CARMIL1: variants seen among roughly 807,000 people sequenced by gnomAD.
CARMIL1 encodes capping protein regulator and myosin 1 linker 1.
A neutral mutation model predicts 177.1 loss-of-function variants in CARMIL1; 90 were observed. The ratio of observed to expected loss-of-function variants is 0.51; its 90% CI spans 0.43 to 0.61. CARMIL1 has a LOEUF of 0.61. Among genes scored for constraint, CARMIL1 ranks in the 20% least tolerant of loss-of-function variants. The probability of loss-of-function intolerance (pLI) is 0.00; values close to 1 mark genes in which losing one functional copy is unlikely to be tolerated. For missense variants in CARMIL1, 1,380 were observed against 1,667.0 expected, an observed-to-expected ratio of 0.83 and a Z score of 3.00; for synonymous variants, 577 against 606.2, an observed-to-expected ratio of 0.95 and a Z score of 0.71.
chr6:25,482,983 TAGAG>T lies in CARMIL1; in HGVS notation c.961+643_961+646del, dbSNP rs527296598. Among the ~76,000 whole-genome samples the T allele has an allele frequency of 2.0e-3, 302 of 152,298 alleles. 1 individual carries two copies. The highest frequency in any genetic ancestry group is 0.014 in the Middle Eastern group (4 of 294). ...TGAAAATTTTTTTTTAATCCCCAAATAGAGAGGTTCAGTTTGTTTTATAAAACTG... is the reference window on the plus strand; with the variant it reads ...TGAAAATTTTTTTTTAATCCCCAAATAGGTTCAGTTTGTTTTATAAAACTG... On this transcript the variant is annotated intron_variant, in intron 12 of 36. Transcript: ENST00000329474.
chr6:25,321,433 A>T (rs1228827993), intron 2 of CARMIL1, among the ~76,000 whole-genome samples: 1 of 152,152 alleles, frequency 6.6e-6, no homozygotes, highest in Non-Finnish European at 1.5e-5. Flanking sequence ...ACAAGGTGGC[A>T]TCTGAATTAA....
intron 2 of CARMIL1, among the ~76,000 whole-genome samples, chr6:25,319,017 T>G (rs763269608): frequency 5.3e-5 from 8 of 152,220 alleles, no homozygotes; most frequent in African/African-American, 1.9e-4. Flanking sequence ...TGAGCTCTTA[T>G]TAGCTGTTTA....
Position 25,460,470 on chromosome 6 carries a change from A to G in CARMIL1, c.615-5403A>G, listed in dbSNP as rs1800026837. On this transcript the variant is annotated intron_variant, in intron 8 of 36. Transcript: ENST00000329474. ...GGTCTTCATGTTTGTTCTGGCTGTC[A>G]TGGTGGCTTGATGCCCAGAAAGTAA... Among the ~76,000 whole-genome samples, 5 of 152,268 alleles carry G rather than the reference A, an allele frequency of 3.3e-5. No individual in the cohort carries two copies. In the East Asian group the frequency reaches 5.8e-4, roughly 18 times the overall value.
Position 25,326,036 on chromosome 6 carries a change from A to AT in CARMIL1, c.138+41133dup, listed in dbSNP as rs1247145659. 4.6e-5 allele frequency among the ~76,000 whole-genome samples: 7 copies of AT among 152,032 alleles called. No individual in the cohort carries two copies. The highest frequency in any genetic ancestry group is 1.5e-4 in the African/African-American group (6 of 41,376). On this transcript the variant is annotated intron_variant, in intron 2 of 36. Coordinates refer to ENST00000329474, the MANE Select transcript of CARMIL1 (RefSeq NM_017640.6). This position sits in a 1 kb window ranked among gnomAD's most constrained non-coding sequence, Gnocchi z 4.2. ...AGGCGCGCACCAGCTCGCCCGGCTA[A>AT]TTTTTTGTATTTTAGTAGAGACGGA...
At chr6:25,419,817 A>G (rs976567828) in intron 2 of CARMIL1, among the ~76,000 whole-genome samples, 2 of 152,212 alleles carry the variant, frequency 1.3e-5, no homozygotes, top group African/African-American at 4.8e-5. Context: ...TTAGTATCAC[A>G]GAGACCTGTT....
chr6:25,584,026 C>CTTTTTTTTTTTTTTTTTT (rs71544648), intron 31 of CARMIL1, among the ~76,000 whole-genome samples: 6 of 119,132 alleles, frequency 5.0e-5, no homozygotes, highest in Non-Finnish European at 6.9e-5. Flanking sequence ...TTTTCTTTTT[C>CTTTTTTTTTTTTTTTTTT]TTTTTTTTTT....
intron 11 of CARMIL1, among the ~76,000 whole-genome samples, chr6:25,479,948 G>A (rs1801934206): frequency 6.6e-6 from 1 of 151,902 alleles, no homozygotes; most frequent in Admixed American, 6.6e-5. Flanking sequence ...ATTATTTGGG[G>A]ATTTTCTAAT....
At chr6:25,293,174 A>G (rs1782112493) in intron 2 of CARMIL1, among the ~76,000 whole-genome samples, 1 of 149,342 alleles carries the variant, frequency 6.7e-6, no homozygotes, top group African/African-American at 2.5e-5. Flanking sequence ...TCTTTACGTT[A>G]CTGTGTTTTA....
intron 2 of CARMIL1, among the ~76,000 whole-genome samples, chr6:25,336,175 C>T (rs756236287): frequency 2.6e-5 from 4 of 152,030 alleles, no homozygotes; most frequent in South Asian, 2.1e-4. Flanking sequence ...CCCCCTGTCT[C>T]GCTTTCTAGC....
At chr6:25,430,248 G>T (rs1018246985) in intron 4 of CARMIL1, among the ~76,000 whole-genome samples, 2 of 144,696 alleles carry the variant, frequency 1.4e-5, no homozygotes, top group Non-Finnish European at 1.5e-5. Context: ...AACATTTTTG[G>T]CTGGCTTCTC....
At chr6:25,522,524 C>T (rs552082433) in intron 23 of CARMIL1, among the ~76,000 whole-genome samples, 1 of 152,290 alleles carries the variant, frequency 6.6e-6, no homozygotes, top group South Asian at 2.1e-4. Context: ...TACTGTATTC[C>T]AGACATCCTT....
intron 26 of CARMIL1, among the ~76,000 whole-genome samples, chr6:25,546,731 T>C (rs529432427): frequency 2.8e-4 from 42 of 148,330 alleles, no homozygotes; most frequent in African/African-American, 9.7e-4. Flanking sequence ...TTAGAAAATA[T>C]CATTAAAAAT....
intron 2 of CARMIL1, among the ~76,000 whole-genome samples, chr6:25,405,079 G>T (rs1794246148): frequency 6.6e-6 from 1 of 152,154 alleles, no homozygotes; most frequent in Non-Finnish European, 1.5e-5. Flanking sequence ...AAAAAGCTCT[G>T]CCTGAACTTT....
intron 8 of CARMIL1, among the ~76,000 whole-genome samples, chr6:25,453,183 C>T (rs1291329430): frequency 6.6e-6 from 1 of 151,468 alleles, no homozygotes; most frequent in Admixed American, 6.6e-5. Flanking sequence ...GTGTTGAGCT[C>T]ATAGTAGCAG....
intron 28 of CARMIL1, among the ~76,000 whole-genome samples, chr6:25,556,006 T>C (rs1810579321): frequency 6.6e-6 from 1 of 152,208 alleles, no homozygotes; most frequent in African/African-American, 2.4e-5. Flanking sequence ...TTAAGTCTCA[T>C]ATGAAGGAAA....
intron 2 of CARMIL1, among the ~76,000 whole-genome samples, chr6:25,353,426 CTTTG>C (rs1035953894): frequency 3.9e-5 from 6 of 152,264 alleles, no homozygotes; most frequent in African/African-American, 1.4e-4. Flanking sequence ...GTTTTCTGAT[CTTTG>C]TTTATGTTGT....
Position 25,279,754 on chromosome 6 carries a change from CAG to C in CARMIL1, c.-39_-38del. 3 of 1,604,610 alleles carry C rather than the reference CAG, an allele frequency of 1.9e-6. No homozygotes were observed. Among genetic ancestry groups the C allele is most frequent in the Non-Finnish European group, 2.6e-6 (3 of 1,171,480 alleles). On this transcript the variant is annotated 5_prime_UTR_variant, in exon 1 of 37. Coordinates refer to ENST00000329474, the MANE Select transcript of CARMIL1 (RefSeq NM_017640.6). ...CGGGGAAGGGCAGGGGGCCATAAAT[CAG>C]AGTTGGACCTGCAATAACCCCCACA... is the stretch of plus-strand genomic sequence containing the variant.
intron 9 of CARMIL1, among the ~76,000 whole-genome samples, chr6:25,468,716 A>C (rs1042732771): frequency 6.6e-6 from 1 of 152,204 alleles, no homozygotes; most frequent in African/African-American, 2.4e-5. Flanking sequence ...GCACTCAATA[A>C]AAATTAGTAG....
At chr6:25,487,551 T>C (rs1480872682) in intron 12 of CARMIL1, among the ~76,000 whole-genome samples, 1 of 152,214 alleles carries the variant, frequency 6.6e-6, no homozygotes, top group Non-Finnish European at 1.5e-5. Flanking sequence ...CCATGGACTT[T>C]TGGTAGAAAC....
Sources: allele counts gnomAD v4.1 joint callset (sites outside exome capture counted in the v4.1 genomes callset), GRCh38; gene constraint gnomAD v4.1.1; non-coding constraint Gnocchi (gnomAD v3.1); transcripts MANE v1.5; gene names NCBI Gene and HGNC (gene_info 2026-07-23, HGNC 2026-07-21).